SF3A1: variants seen among roughly 807,000 people sequenced by gnomAD.
SF3A1 encodes the protein splicing factor 3a subunit 1, also known as SAP 114.
SF3A1 carries 13 observed loss-of-function variants against 89.9 expected under a neutral mutation model. The observed-to-expected ratio is 0.14, with a 90% CI of 0.09 to 0.23. The LOEUF (loss-of-function observed/expected upper bound fraction) is 0.23. Among genes scored for constraint, SF3A1 ranks in the 10% least tolerant of loss-of-function variants. The pLI is 1.00. For synonymous variants in SF3A1, 405 were observed against 374.4 expected (o/e 1.08, Z -0.94); for missense variants, 604 against 1,022.1 (o/e 0.59, Z 5.58).
Position 30,333,565 on chromosome 22 carries a change from C to T in SF3A1, c.*1029G>A, listed in dbSNP as rs1360295523. 5.3e-5 allele frequency: 8 copies of T among 152,218 alleles called. No individual in the cohort carries two copies. The highest frequency in any genetic ancestry group is 2.1e-4 in the South Asian group (1 of 4,824). 9.4% of individuals were successfully genotyped at this position (152,218 alleles called of 1,614,324 possible). A position where few individuals can be genotyped will look rare whatever the true frequency, so the allele number is the denominator to read the frequency against. ...CTTTACTCAGAAACCAGGACTGTGA[C>T]GTGTTTTGCACACATTCTCTTTTCA... On this transcript the variant is annotated 3_prime_UTR_variant, in exon 16 of 16. Coordinates refer to ENST00000215793, the MANE Select transcript of SF3A1 (RefSeq NM_005877.6).
At chr22:30,344,347 A>G (rs1270603941) in intron 4 of SF3A1, among the ~76,000 whole-genome samples, 1 of 152,256 alleles carries the variant, frequency 6.6e-6, no homozygotes, top group Non-Finnish European at 1.5e-5. Context: ...ATACTGACTT[A>G]CATGACATCA....
At chr22:30,334,762 A>G in intron 15 of SF3A1, 67 bp from the exon 16 acceptor site, 2 of 1,109,830 alleles carry the variant, frequency 1.8e-6, no homozygotes, top group South Asian at 1.4e-5. Flanking sequence ...GCAACCTTAC[A>G]ACTGTGCACT....
chr22:30,342,681 A>G, intron 5 of SF3A1, 124 bp downstream of exon 5: 1 of 726,296 alleles, frequency 1.4e-6, no homozygotes, highest in South Asian at 1.7e-5. Flanking sequence ...TGTAGCCAAC[A>G]AAGCCTTTTC....
intron 5 of SF3A1, 151 bp from the exon 6 acceptor site, chr22:30,342,501 C>T (rs1403004798): frequency 2.4e-6 from 2 of 843,434 alleles, no homozygotes; most frequent in South Asian, 1.8e-5. Context: ...CCTGGTTCCA[C>T]CCAGGTGCAG....
chr22:30,340,076 T>C (rs983661630), intron 9 of SF3A1, 120 bp downstream of exon 9: 10 of 838,480 alleles, frequency 1.2e-5, no homozygotes, highest in African/African-American at 1.8e-5. Context: ...TGCAATATCA[T>C]AGAGTGCAAC....
intron 2 of SF3A1, among the ~76,000 whole-genome samples, chr22:30,349,880 A>C (rs1251018114): frequency 6.6e-6 from 1 of 150,520 alleles, no homozygotes; most frequent in Non-Finnish European, 1.5e-5. Flanking sequence ...CCTGGGTTCA[A>C]GCGATCCTCC....
In SF3A1 at chr22:30,356,760, C is replaced by CG; in HGVS notation, c.32dup (p.Pro12AlafsTer26). ...TGGGCTCCGTGGGCACGGGCGGCGG[C>CG]GGGGGCACCGCCTGCACGGGTCCGG... On this transcript the variant is annotated frameshift_variant, in exon 1 of 16. Coordinates refer to ENST00000215793, the MANE Select transcript of SF3A1 (RefSeq NM_005877.6). LOFTEE classifies it high-confidence loss of function. 4 of 1,479,148 alleles carry CG rather than the reference C, an allele frequency of 2.7e-6. No homozygotes were observed. Among genetic ancestry groups the CG allele is most frequent in the South Asian group, 1.3e-5 (1 of 74,648 alleles). The allele number at this position is 1,479,148 out of a possible 1,614,324, so 91.6% of individuals were successfully genotyped here.
chr22:30,346,513 C>A lies in SF3A1; in HGVS notation c.192G>T (p.Gly64=). The change falls in exon 3 of 16, where the codon GGG becomes GGT. Residue 64 remains glycine (G), a synonymous_variant. Coordinates refer to ENST00000215793, the MANE Select transcript of SF3A1 (RefSeq NM_005877.6). The stretch of plus-strand genomic sequence containing the variant: ...GTCGGATCCTAGCTTCAAATTCAGG[C>A]CCGTTTCTGGAGGAAGAAAAAACAA... ...DKTASFVARN[G]PEFEARIRQN... 2 of 1,614,056 alleles carry A rather than the reference C, an allele frequency of 1.2e-6. No homozygotes were observed. The highest frequency in any genetic ancestry group is 1.7e-6 in the Non-Finnish European group (2 of 1,179,980).
At chr22:30,355,219 C>T (rs1931742685) in intron 1 of SF3A1, among the ~76,000 whole-genome samples, 1 of 152,162 alleles carries the variant, frequency 6.6e-6, no homozygotes, top group Non-Finnish European at 1.5e-5. Flanking sequence ...CTATGTTGGC[C>T]AGGCTGGTCT....
rs2078696096 is a variant in SF3A1 at position 30,340,360 on chromosome 22, G to A, written c.1211C>T (p.Ala404Val). 4 of 1,611,602 alleles carry A rather than the reference G, an allele frequency of 2.5e-6. No homozygotes were observed. The highest frequency in any genetic ancestry group is 1.1e-5 in the South Asian group (1 of 90,628). Reference protein sequence around the residue: ...DPKASKPLPPAPAPDEYLVSP... With the variant: ...DPKASKPLPPVPAPDEYLVSP... ...CACAAGATACTCATCTGGAGCAGGG[G>A]CTGGAGGCAAGGGCTTGGAGGCTAA... is the stretch of plus-strand genomic sequence containing the variant. The change falls in exon 9 of 16, where the codon GCC becomes GTC. Residue 404 changes from alanine to valine, a missense_variant. Physicochemically the swap from Ala to Val is moderately conservative, Grantham distance 64. Coordinates refer to ENST00000215793, the MANE Select transcript of SF3A1 (RefSeq NM_005877.6).
intron 7 of SF3A1, 69 bp downstream of exon 7, chr22:30,341,623 T>TG: frequency 7.4e-7 from 1 of 1,349,910 alleles, no homozygotes. Context: ...ATCTGACTGG[T>TG]GGAGAGCACT....
At chr22:30,343,405 T>G (rs9608886) in intron 4 of SF3A1, among the ~76,000 whole-genome samples, 2,871 of 152,334 alleles carry the variant, frequency 0.019, 31 homozygotes, top group East Asian at 0.032. Flanking sequence ...GATTTCTCTT[T>G]TGTTCACGAT....
In SF3A1 at chr22:30,333,044, TG is replaced by T. The variant is rs1237669991; in HGVS notation, c.*1549del. 1 of 152,214 alleles carries T rather than the reference TG, an allele frequency of 6.6e-6. No individual in the cohort carries two copies. The highest frequency in any genetic ancestry group is 2.1e-4 in the South Asian group (1 of 4,832). The allele number at this position is 152,214 out of a possible 1,614,324, so 9.4% of individuals were successfully genotyped here. A position where few individuals can be genotyped will look rare whatever the true frequency, so the allele number is the denominator to read the frequency against. On this transcript the variant is annotated 3_prime_UTR_variant, in exon 16 of 16. Coordinates refer to ENST00000215793, the MANE Select transcript of SF3A1 (RefSeq NM_005877.6). Reference sequence around the variant, plus strand: ...TTGGCCATGGACAAGCAACCAGTAGTGGGCTCACTTTAGGGACGCAAACCAC... The same window carrying T: ...TTGGCCATGGACAAGCAACCAGTAGTGGCTCACTTTAGGGACGCAAACCAC...
rs770722220 is a variant in SF3A1, at chr22:30,342,208, T to C, written c.869A>G (p.Asn290Ser). 8.7e-5 allele frequency: 141 copies of C among 1,614,062 alleles called. No individual in the cohort carries two copies. The highest frequency in any genetic ancestry group is 8.0e-5 in the African/African-American group (6 of 74,920). ...ACTCCTCACAGACCTACCTTGCTCATTGGGTTGGAAGTCCACTGTTTCCAC... is the reference window on the plus strand; with the variant it reads ...ACTCCTCACAGACCTACCTTGCTCACTGGGTTGGAAGTCCACTGTTTCCAC... ...VVVETVDFQP[N>S]EQGNFPPPTT... The change falls in exon 6 of 16, where the codon AAT becomes AGT. Residue 290 changes from asparagine (N) to serine (S), a missense_variant. Asn to Ser is a conservative substitution (Grantham distance 46, BLOSUM62 1). Transcript: ENST00000215793.
Position 30,342,223 on chromosome 22 carries a change from ACT to A in SF3A1, c.852_853del (p.Val285GlyfsTer6). ...ACCTTGCTCATTGGGTTGGAAGTCC[ACT>A]GTTTCCACCACCACAAAATCATGCC... On this transcript the variant is annotated frameshift_variant, in exon 6 of 16. Transcript: ENST00000215793. LOFTEE classifies it high-confidence loss of function. The A allele has an allele frequency of 6.2e-7, 1 of 1,614,132 alleles. No homozygotes were observed. Among genetic ancestry groups the A allele is most frequent in the Non-Finnish European group, 8.5e-7 (1 of 1,180,020 alleles).
chr22:30,337,847 G>C lies in SF3A1; in HGVS notation c.1794C>G (p.Pro598=). The C allele has an allele frequency of 6.2e-7, 1 of 1,609,112 alleles. No homozygotes were observed. The highest frequency in any genetic ancestry group is 8.5e-7 in the Non-Finnish European group (1 of 1,178,564). ...GGACCACAGATGCCATTGGGGGCCG[G>C]GGCATGACGGGTACTGCGGAGACAA... ...TTVVSAVPVM[P]RPPMASVVRL... Residue 598 remains proline, a synonymous_variant, in exon 12 of 16, where the codon CCC becomes CCG. Coordinates refer to ENST00000215793, the MANE Select transcript of SF3A1 (RefSeq NM_005877.6).
At chr22:30,343,605 A>G (rs1340414700) in intron 4 of SF3A1, among the ~76,000 whole-genome samples, 1 of 152,228 alleles carries the variant, frequency 6.6e-6, no homozygotes, top group Non-Finnish European at 1.5e-5. Flanking sequence ...AACAGACAGC[A>G]GGAACCTCAA....
At chr22:30,342,411 A>G in intron 5 of SF3A1, 61 bp from the exon 6 acceptor site, 3 of 1,530,530 alleles carry the variant, frequency 2.0e-6, no homozygotes, top group Middle Eastern at 1.7e-4. Flanking sequence ...TGATGAGGCT[A>G]CCACCTCCAG....
chr22:30,342,451 G>A, intron 5 of SF3A1, 101 bp from the exon 6 acceptor site: 1 of 1,282,700 alleles, frequency 7.8e-7, no homozygotes, highest in South Asian at 1.4e-5. Context: ...GCCTCCTTCG[G>A]AACAGAATGG....
Sources: allele counts gnomAD v4.1 joint callset (sites outside exome capture counted in the v4.1 genomes callset), GRCh38; gene constraint gnomAD v4.1.1; transcripts MANE v1.5; gene names NCBI Gene and HGNC (gene_info 2026-07-23, HGNC 2026-07-21).